GRID2: variants seen among roughly 807,000 people sequenced by gnomAD.
GRID2 encodes glutamate receptor ionotropic, delta-2.
A neutral mutation model predicts 114.8 loss-of-function variants in GRID2; 33 were observed. That is an observed-to-expected ratio of 0.29 (90% CI 0.22 to 0.38). GRID2 has a LOEUF of 0.38. Among genes scored for constraint, GRID2 ranks in the 10% least tolerant of loss-of-function variants. The probability of loss-of-function intolerance (pLI) is 1.00; values close to 1 mark genes in which losing one functional copy is unlikely to be tolerated. For synonymous variants in GRID2, 505 were observed against 449.9 expected (o/e 1.12, Z -1.55); for missense variants, 1,184 against 1,257.7 (o/e 0.94, Z 0.89).
In GRID2 at chr4:92,790,911, T is replaced by C. The variant is rs534385913; in HGVS notation, c.244+200625T>C. Among the ~76,000 whole-genome samples, 3 of 151,874 alleles carry C rather than the reference T, an allele frequency of 2.0e-5. No individual in the cohort carries two copies. In the South Asian group the frequency reaches 6.2e-4, roughly 31 times the overall value. ...GGGCACAGGAGCCAGACTGCTGAGT[T>C]TTAATCCCATTTCCACTACGTAAGC... On this transcript the variant is annotated intron_variant, in intron 2 of 15. Transcript: ENST00000282020.
intron 2 of GRID2, among the ~76,000 whole-genome samples, chr4:93,019,331 A>C (rs1357231247): frequency 1.3e-5 from 2 of 152,110 alleles, no homozygotes; most frequent in African/African-American, 4.8e-5. Context: ...ATGAAGAATA[A>C]ATGTTTTTGT....
At chr4:93,411,453 G>C (rs1440424107) in intron 9 of GRID2, among the ~76,000 whole-genome samples, 1 of 149,290 alleles carries the variant, frequency 6.7e-6, no homozygotes. Flanking sequence ...TTGAGACGGA[G>C]TCTTACTCTA....
At chr4:93,589,208 C>T (rs1285838077) in intron 13 of GRID2, among the ~76,000 whole-genome samples, 1 of 125,326 alleles carries the variant, frequency 8.0e-6, no homozygotes, top group African/African-American at 3.1e-5. Context: ...CCCCTCCCCC[C>T]ACCCCACAAC....
At chr4:92,837,192 A>G (rs1742517214) in intron 2 of GRID2, among the ~76,000 whole-genome samples, 1 of 152,094 alleles carries the variant, frequency 6.6e-6, no homozygotes, top group Admixed American at 6.6e-5. Context: ...CACAATCCTG[A>G]TGAACGAGGG....
At position 93,626,427 on chromosome 4, in the gene GRID2, T is replaced by C; in HGVS notation, c.2352T>C (p.Phe784=). The C allele has an allele frequency of 1.2e-6, 2 of 1,602,616 alleles. No homozygotes were observed. Among genetic ancestry groups the C allele is most frequent in the Non-Finnish European group, 8.5e-7 (1 of 1,173,348 alleles). The stretch of plus-strand genomic sequence containing the variant: ...ATGGCAGTCCTTACCGAGATGTTTT[T>C]TCACAAAGGTAAGATTTGTGTATGA... ...LQHGSPYRDV[F]SQRILELQQN... The change falls in exon 14 of 16, where the codon TTT becomes TTC. Residue 784 remains phenylalanine (F), a synonymous_variant. Coordinates refer to ENST00000282020, the MANE Select transcript of GRID2 (RefSeq NM_001510.4).
At chr4:92,991,960 C>G (rs558402663) in intron 2 of GRID2, among the ~76,000 whole-genome samples, 2 of 152,106 alleles carry the variant, frequency 1.3e-5, no homozygotes, top group African/African-American at 4.8e-5. Flanking sequence ...TTTATATCAA[C>G]GTATGTGAGG....
chr4:92,968,122 T>A (rs1753274507), intron 2 of GRID2, among the ~76,000 whole-genome samples: 1 of 151,904 alleles, frequency 6.6e-6, no homozygotes, highest in African/African-American at 2.4e-5. Flanking sequence ...TTTATCAACA[T>A]AGAAGCAGAG....
intron 2 of GRID2, among the ~76,000 whole-genome samples, chr4:92,716,596 TATAA>T (rs371123471): frequency 6.4e-4 from 98 of 152,296 alleles, no homozygotes; most frequent in African/African-American, 2.3e-3. Context: ...TACAATCTAA[TATAA>T]ATGAAGGCTT....
chr4:93,693,439 C>G (rs1184580513), intron 14 of GRID2, among the ~76,000 whole-genome samples: 1 of 152,068 alleles, frequency 6.6e-6, no homozygotes, highest in Non-Finnish European at 1.5e-5. Flanking sequence ...CTAGATATCC[C>G]CTGAGGGTAG....
chr4:92,495,221 A>G (rs1723329845), intron 1 of GRID2, among the ~76,000 whole-genome samples: 2 of 151,998 alleles, frequency 1.3e-5, no homozygotes, highest in Non-Finnish European at 2.9e-5. Flanking sequence ...AATACATTTC[A>G]AGCTCCCTGT....
intron 2 of GRID2, among the ~76,000 whole-genome samples, chr4:92,793,323 T>A (rs1739684142): frequency 6.6e-6 from 1 of 151,818 alleles, no homozygotes; most frequent in Admixed American, 6.6e-5. Context: ...ATGGATTTGC[T>A]CAACTGGTTA....
chr4:93,348,948 C>G (rs1298849457), intron 8 of GRID2, among the ~76,000 whole-genome samples: 3 of 152,140 alleles, frequency 2.0e-5, no homozygotes, highest in Non-Finnish European at 4.4e-5. Context: ...GCAGGGCCTG[C>G]CTTCTTGGCT....
At chr4:92,905,124 AATG>A (rs1747850808) in intron 2 of GRID2, among the ~76,000 whole-genome samples, 1 of 152,016 alleles carries the variant, frequency 6.6e-6, no homozygotes, top group Admixed American at 6.6e-5. Flanking sequence ...TTAATTAAGA[AATG>A]ATATTTATTT....
intron 2 of GRID2, among the ~76,000 whole-genome samples, chr4:92,836,549 CAG>C (rs988134204): frequency 6.6e-6 from 1 of 151,622 alleles, no homozygotes; most frequent in Non-Finnish European, 1.5e-5. Flanking sequence ...CAAAAAAAAA[CAG>C]AAAATATTTG....
At chr4:93,647,560 A>G (rs1006245413) in intron 14 of GRID2, among the ~76,000 whole-genome samples, 3 of 152,168 alleles carry the variant, frequency 2.0e-5, no homozygotes, top group Admixed American at 1.3e-4. Flanking sequence ...CCTCTCAACC[A>G]GAAACAGATT....
chr4:92,761,826 A>G (rs571409471), intron 2 of GRID2, among the ~76,000 whole-genome samples: 1 of 152,354 alleles, frequency 6.6e-6, no homozygotes, highest in East Asian at 1.9e-4. Context: ...AAGGGTTCTA[A>G]GCAAAGGTAT....
intron 10 of GRID2, among the ~76,000 whole-genome samples, chr4:93,435,992 T>C (rs1030813834): frequency 1.1e-4 from 10 of 87,760 alleles, no homozygotes; most frequent in Non-Finnish European, 2.3e-4. Flanking sequence ...TCTTTGCTCC[T>C]TCCCCATTTC....
chr4:92,723,943 G>A (rs182188785), intron 2 of GRID2, among the ~76,000 whole-genome samples: 35 of 151,950 alleles, frequency 2.3e-4, no homozygotes, highest in South Asian at 6.2e-4. Context: ...GATTTTTTTC[G>A]TATTAAATGT....
chr4:93,723,492 A>G (rs989693580), intron 14 of GRID2, among the ~76,000 whole-genome samples: 3 of 152,184 alleles, frequency 2.0e-5, no homozygotes, highest in Non-Finnish European at 4.4e-5. Context: ...GCTACACACA[A>G]CCAGCTTGGA....
Sources: allele counts gnomAD v4.1 joint callset (sites outside exome capture counted in the v4.1 genomes callset), GRCh38; gene constraint gnomAD v4.1.1; transcripts MANE v1.5; gene names NCBI Gene and HGNC (gene_info 2026-07-23, HGNC 2026-07-21).